SOX5: variants seen among roughly 807,000 people sequenced by gnomAD.
SOX5 encodes SRY-box transcription factor 5.
A neutral mutation model predicts 92.0 loss-of-function variants in SOX5; 9 were observed. That is an observed-to-expected ratio of 0.10 (90% CI 0.06 to 0.17). The LOEUF is 0.17. SOX5 is among the 10% of genes least tolerant of loss of function. The pLI is 1.00. For missense variants in SOX5, 642 were observed against 944.5 expected (o/e 0.68, Z 4.20); for synonymous variants, 344 against 336.3 (o/e 1.02, Z -0.25).
At chr12:23,842,436 G>T (rs770302033) in intron 3 of SOX5, among the ~76,000 whole-genome samples, 15 of 152,030 alleles carry the variant, frequency 9.9e-5, no homozygotes, top group Admixed American at 4.6e-4. Context: ...ACATATATAG[G>T]TTAGTACACA....
intron 4 of SOX5, among the ~76,000 whole-genome samples, chr12:23,956,318 C>A (rs530160357): frequency 2.0e-5 from 3 of 152,118 alleles, no homozygotes; most frequent in African/African-American, 4.8e-5. Flanking sequence ...ATCTCCAACC[C>A]CCAAGGCCAG....
At chr12:23,541,066 C>T (rs1240384900) in intron 13 of SOX5, among the ~76,000 whole-genome samples, 2 of 152,154 alleles carry the variant, frequency 1.3e-5, no homozygotes, top group East Asian at 1.9e-4. Flanking sequence ...AATACATTTT[C>T]ATCAGAAAGA....
At chr12:23,906,741 A>T (rs892589680) in intron 1 of SOX5, among the ~76,000 whole-genome samples, 3 of 152,226 alleles carry the variant, frequency 2.0e-5, no homozygotes, top group Non-Finnish European at 4.4e-5. Flanking sequence ...TAAAAAGCAA[A>T]GCCCCATATT....
At chr12:24,268,427 A>G (rs2140305558) in intron 3 of SOX5, among the ~76,000 whole-genome samples, 1 of 152,354 alleles carries the variant, frequency 6.6e-6, no homozygotes. Flanking sequence ...GTATATTAAA[A>G]AAAGGAGTCT....
Position 23,858,181 on chromosome 12 carries a change from AAAT to A in SOX5, c.271-11991_271-11989del, listed in dbSNP as rs529947383. Reference sequence around the variant, plus strand: ...TTACTTTCCTATGAGAAGCGCTAAAAAATAATAATAATAAATCACTAATTAAAC... The same window carrying A: ...TTACTTTCCTATGAGAAGCGCTAAAAAATAATAATAAATCACTAATTAAAC... On this transcript the variant is annotated intron_variant, in intron 2 of 14. Coordinates refer to ENST00000451604, the MANE Select transcript of SOX5 (RefSeq NM_006940.6). Among the ~76,000 whole-genome samples the A allele has an allele frequency of 4.6e-5, 7 of 152,148 alleles. No individual in the cohort carries two copies. In the South Asian group the frequency reaches 6.2e-4, roughly 14 times the overall value.
chr12:23,734,617 AT>A, intron 6 of SOX5, 66 bp downstream of exon 6: 1 of 1,191,638 alleles, frequency 8.4e-7, no homozygotes. Context: ...TCAGTTAGGT[AT>A]TTAAGGATAA....
In SOX5 at chr12:24,182,750, G is replaced by A. The variant is rs567276979; in HGVS notation, c.-2+30593C>T. ...ATTCTTTGAGACAGAATCTCGCTCT[G>A]TCACCCAAGCTGGAGTGCAGTGGCA... On this transcript the variant is annotated intron_variant, in intron 4 of 4. Coordinates refer to the SOX5 transcript ENST00000446891. 2.3e-4 allele frequency among the ~76,000 whole-genome samples: 35 copies of A among 152,240 alleles called. 1 individual carries two copies. Among genetic ancestry groups the A allele is most frequent in the Middle Eastern group, 3.4e-3 (1 of 294 alleles).
At chr12:23,585,141 C>A (rs141591957) in intron 9 of SOX5, among the ~76,000 whole-genome samples, 42 of 152,252 alleles carry the variant, frequency 2.8e-4, no homozygotes, top group Admixed American at 2.6e-3. Flanking sequence ...ACATACACAT[C>A]GAGCAAATGT....
intron 8 of SOX5, among the ~76,000 whole-genome samples, chr12:23,627,288 T>A (rs943141941): frequency 6.6e-6 from 1 of 152,212 alleles, no homozygotes; most frequent in African/African-American, 2.4e-5. Context: ...AATCTGACAT[T>A]CAGAAGAAAA....
At chr12:23,614,338 A>T (rs2137848399) in intron 8 of SOX5, among the ~76,000 whole-genome samples, 1 of 152,294 alleles carries the variant, frequency 6.6e-6, no homozygotes, top group South Asian at 2.1e-4. Flanking sequence ...GAAATAACAC[A>T]TTCCTTTTAC....
chr12:23,970,841 A>ATATATATATATATTTTTTTTTTTT, intron 4 of SOX5, among the ~76,000 whole-genome samples: 4 of 21,884 alleles, frequency 1.8e-4, no homozygotes, highest in African/African-American at 2.5e-4. Context: ...TATATATATA[A>ATATATATATATATTTTTTTTTTTT]TTTTTTTTTT....
At chr12:23,608,162 C>T (rs2075506900) in intron 8 of SOX5, among the ~76,000 whole-genome samples, 3 of 133,642 alleles carry the variant, frequency 2.2e-5, no homozygotes, top group Admixed American at 1.5e-4. Context: ...AAAGAGAACA[C>T]TCATTTCATT....
chr12:24,345,829 C>T (rs922878559), intron 2 of SOX5, among the ~76,000 whole-genome samples: 8 of 152,088 alleles, frequency 5.3e-5, no homozygotes, highest in African/African-American at 1.7e-4. Flanking sequence ...ATAGAATTGT[C>T]GTGAAGGAGA....
intron 4 of SOX5, among the ~76,000 whole-genome samples, chr12:23,964,113 T>C (rs982643655): frequency 3.9e-5 from 6 of 152,114 alleles, no homozygotes; most frequent in African/African-American, 1.4e-4. Flanking sequence ...CATAGTATAG[T>C]TTGATAGCGT....
In SOX5 at chr12:23,530,818, TGCGC is replaced by T. The variant is rs1555114989; in HGVS notation, c.*3397_*3400del. 3.0e-4 allele frequency: 40 copies of T among 132,098 alleles called. No homozygotes were observed. Among genetic ancestry groups the T allele is most frequent in the African/African-American group, 7.2e-4 (26 of 36,188 alleles). 8.2% of individuals were successfully genotyped at this position (132,098 alleles called of 1,614,324 possible). A position where few individuals can be genotyped will look rare whatever the true frequency, so the allele number is the denominator to read the frequency against. On this transcript the variant is annotated 3_prime_UTR_variant, in exon 15 of 15. Coordinates refer to ENST00000451604, the MANE Select transcript of SOX5 (RefSeq NM_006940.6). ...GGGCAAGTGTGTGTGTGTGTGTGTG[TGCGC>T]GCGCGCGCGCGCGCATGTGAGAGAG...
At chr12:23,869,343 A>G (rs1400018765) in intron 2 of SOX5, among the ~76,000 whole-genome samples, 2 of 152,166 alleles carry the variant, frequency 1.3e-5, no homozygotes, top group African/African-American at 2.4e-5. Context: ...GTTCCTTATT[A>G]TAAGCTCTTT....
At chr12:24,207,577 G>C (rs1052280019) in intron 4 of SOX5, among the ~76,000 whole-genome samples, 1 of 152,178 alleles carries the variant, frequency 6.6e-6, no homozygotes, top group African/African-American at 2.4e-5. Context: ...ACTGTTTGCA[G>C]ACCACTCAGG....
chr12:23,769,904 T>TACC (rs2094868798), intron 3 of SOX5, among the ~76,000 whole-genome samples: 3 of 152,154 alleles, frequency 2.0e-5, no homozygotes, highest in African/African-American at 4.8e-5. Flanking sequence ...TTTTTTATAA[T>TACC]ACCACCTTCT....
intron 8 of SOX5, among the ~76,000 whole-genome samples, chr12:23,632,576 A>G (rs1045251039): frequency 6.6e-6 from 1 of 152,116 alleles, no homozygotes; most frequent in African/African-American, 2.4e-5. Context: ...GGAAATATGG[A>G]GCATTCTTTT....
Sources: gnomAD v4.1 joint callset for allele counts (sites outside exome capture counted in the v4.1 genomes callset) on GRCh38, gnomAD v4.1.1 for gene constraint, MANE v1.5 for transcripts, NCBI Gene and HGNC (gene_info 2026-07-23, HGNC 2026-07-21) for gene names.